The following BRF1 variants were observed in gnomAD, a reference collection of about 807,000 sequenced individuals.
The protein encoded by BRF1 is transcription factor IIIB 90 kDa subunit.
In BRF1, 59 loss-of-function variants were observed where a neutral mutation model predicts 81.7. The observed-to-expected ratio is 0.72, with a 90% CI of 0.59 to 0.90. The LOEUF is 0.90. Among genes scored for constraint, BRF1 ranks in the 40% least tolerant of loss-of-function variants. The probability of loss-of-function intolerance (pLI) is 0.00; values close to 1 mark genes in which losing one functional copy is unlikely to be tolerated. For synonymous variants in BRF1, 491 were observed against 395.6 expected, an observed-to-expected ratio of 1.24 and a Z score of -2.86; for missense variants, 1,050 against 936.3, an observed-to-expected ratio of 1.12 and a Z score of -1.58.
At chr14:105,261,392 G>C (rs1373795486) in intron 3 of BRF1, among the ~76,000 whole-genome samples, 2 of 152,148 alleles carry the variant, frequency 1.3e-5, no homozygotes, top group African/African-American at 4.8e-5. Flanking sequence ...CCATCAAACT[G>C]TCCCGGCTCC....
At chr14:105,212,289 T>C in intron 15 of BRF1, 125 bp from the exon 16 acceptor site, 1 of 1,289,244 alleles carries the variant, frequency 7.8e-7, no homozygotes, top group African/African-American at 1.5e-5. Context: ...TTTGGAAGCC[T>C]GGTTCTGCGT....
In BRF1 at chr14:105,293,125, T is replaced by C. The variant is rs1038391102; in HGVS notation, c.185-6749A>G. Among the ~76,000 whole-genome samples the C allele has an allele frequency of 1.4e-4, 21 of 152,142 alleles. No homozygotes were observed. The East Asian group carries it at 1.7e-3, about 13-fold the overall frequency. ...GGCAGAAGCCTGGAGCCTTCCACCCTCAGGACTAGAGCCCCGCCAGGAGGC... is the reference window on the plus strand; with the variant it reads ...GGCAGAAGCCTGGAGCCTTCCACCCCCAGGACTAGAGCCCCGCCAGGAGGC... On this transcript the variant is annotated intron_variant, in intron 1 of 17. Coordinates refer to ENST00000547530, the MANE Select transcript of BRF1 (RefSeq NM_001519.4).
intron 1 of BRF1, among the ~76,000 whole-genome samples, chr14:105,288,715 G>A (rs1312944567): frequency 6.7e-6 from 1 of 148,714 alleles, no homozygotes; most frequent in Non-Finnish European, 1.5e-5. Flanking sequence ...CTCACTGCAA[G>A]CTCTGCCTCC....
At chr14:105,250,076 A>G (rs2055503209) in intron 5 of BRF1, 3 of 1,612,868 alleles carry the variant, frequency 1.9e-6, no homozygotes, top group Admixed American at 1.7e-5. Flanking sequence ...AATTCCAACC[A>G]TGACCCTAGA....
At chr14:105,246,302 AACAT>A (rs2055102085) in intron 5 of BRF1, among the ~76,000 whole-genome samples, 1 of 152,144 alleles carries the variant, frequency 6.6e-6, no homozygotes, top group Non-Finnish European at 1.5e-5. Flanking sequence ...GTAGATGGTC[AACAT>A]CATTATTTAT....
rs1332762147 is a variant in BRF1 at position 105,284,728 on chromosome 14, G to A, written c.265+1568C>T. On this transcript the variant is annotated intron_variant, in intron 2 of 17. Coordinates refer to ENST00000547530, the MANE Select transcript of BRF1 (RefSeq NM_001519.4). The surrounding 1 kb of genome is among the most constrained non-coding windows in gnomAD (Gnocchi z 4.0). The stretch of plus-strand genomic sequence containing the variant: ...CCACACTCAATGGTGAAGACTGGAT[G>A]CTTCCCCAGGATCAAGGACAAGAGG... 6.6e-6 allele frequency among the ~76,000 whole-genome samples: 1 copy of A among 152,122 alleles called. No individual in the cohort carries two copies. Among genetic ancestry groups the A allele is most frequent in the African/African-American group, 2.4e-5 (1 of 41,424 alleles).
intron 2 of BRF1, among the ~76,000 whole-genome samples, chr14:105,274,948 C>T (rs1445336320): frequency 1.3e-5 from 2 of 152,216 alleles, no homozygotes; most frequent in Non-Finnish European, 2.9e-5. Flanking sequence ...GGAATGCTGC[C>T]GCCATGGAGA....
At chr14:105,253,067 CCA>C (rs1360840823) in intron 4 of BRF1, among the ~76,000 whole-genome samples, 2 of 152,254 alleles carry the variant, frequency 1.3e-5, no homozygotes, top group African/African-American at 4.8e-5. Context: ...AGGTCCAAAT[CCA>C]CACAGATCCT....
At chr14:105,278,826 C>T (rs754236777) in intron 2 of BRF1, among the ~76,000 whole-genome samples, 1 of 152,074 alleles carries the variant, frequency 6.6e-6, no homozygotes, top group Admixed American at 6.6e-5. Context: ...GGGCAGATCA[C>T]GAGGTCAAGA....
chr14:105,217,992 C>A (rs141997783), intron 14 of BRF1, among the ~76,000 whole-genome samples, 192 bp from the exon 15 acceptor site: 1 of 152,354 alleles, frequency 6.6e-6, no homozygotes, highest in Non-Finnish European at 1.5e-5. Context: ...TCAAATCCTG[C>A]CCTCCCAGGT....
intron 1 of BRF1, among the ~76,000 whole-genome samples, chr14:105,314,091 T>C (rs935432884): frequency 4.9e-4 from 74 of 152,354 alleles, no homozygotes; most frequent in African/African-American, 1.7e-3. Context: ...CTCGGCAGCC[T>C]GGCGCCCCGA....
chr14:105,225,925 C>A, intron 10 of BRF1, 144 bp downstream of exon 10: 2 of 815,088 alleles, frequency 2.5e-6, no homozygotes. Context: ...GGATTACAGG[C>A]GTGAGCCACC....
At chr14:105,247,855 C>G (rs587766682) in intron 5 of BRF1, 1 of 985,566 alleles carries the variant, frequency 1.0e-6, no homozygotes, top group Non-Finnish European at 1.2e-6. Context: ...AGTCTGGTCT[C>G]CTCATCAGCA....
chr14:105,227,526 C>T (rs2141578611), intron 7 of BRF1: 1 of 152,540 alleles, frequency 6.6e-6, no homozygotes, highest in Non-Finnish European at 1.5e-5. Flanking sequence ...GCCCAGGTCC[C>T]TTCTGGCGGC....
chr14:105,229,099 T>C (rs764019029), intron 6 of BRF1, among the ~76,000 whole-genome samples, 186 bp from the exon 7 acceptor site: 5 of 152,204 alleles, frequency 3.3e-5, no homozygotes, highest in Admixed American at 6.5e-5. Context: ...CTCTATCTTA[T>C]TGTGGGTGGC....
chr14:105,286,829 A>G (rs2057332882), intron 1 of BRF1, among the ~76,000 whole-genome samples: 1 of 152,196 alleles, frequency 6.6e-6, no homozygotes, highest in South Asian at 2.1e-4. Flanking sequence ...GCAAGTCCAG[A>G]GTGGACGCTG....
chr14:105,296,093 A>C (rs1170557829), intron 1 of BRF1, among the ~76,000 whole-genome samples: 1 of 151,356 alleles, frequency 6.6e-6, no homozygotes, highest in Non-Finnish European at 1.5e-5. Context: ...AAAAAAAAAA[A>C]AAAAAAAAAC....
rs1010622734 is a variant in BRF1 at position 105,309,854 on chromosome 14, C to T, written c.-162+5468G>A. 9.0e-5 allele frequency among the ~76,000 whole-genome samples: 13 copies of T among 144,102 alleles called. No individual in the cohort carries two copies. The highest frequency in any genetic ancestry group is 1.8e-4 in the African/African-American group (7 of 38,190). The allele number at this position is 144,102 out of a possible 152,430, so 94.5% of individuals were successfully genotyped here. A position where few individuals can be genotyped will look rare whatever the true frequency, so the allele number is the denominator to read the frequency against. ...AGGCAGGAGTGCAGTGGCACAATCT[C>T]GGCTCACTGCAAGCTCCGCCTCCTG... is the stretch of plus-strand genomic sequence containing the variant. On this transcript the variant is annotated intron_variant, in intron 1 of 17. Coordinates refer to the BRF1 transcript ENST00000327359. The surrounding 1 kb of genome is among the most constrained non-coding windows in gnomAD (Gnocchi z 4.0).
chr14:105,266,823 C>G (rs2140373501), intron 3 of BRF1, among the ~76,000 whole-genome samples: 1 of 152,218 alleles, frequency 6.6e-6, no homozygotes, highest in Non-Finnish European at 1.5e-5. Flanking sequence ...GGAGGCAGAT[C>G]ACTTGAGCTC....
Sources: allele counts gnomAD v4.1 joint callset (sites outside exome capture counted in the v4.1 genomes callset), GRCh38; gene constraint gnomAD v4.1.1; non-coding constraint Gnocchi (gnomAD v3.1); transcripts MANE v1.5; gene names NCBI Gene and HGNC (gene_info 2026-07-23, HGNC 2026-07-21).